SLCO2A1: variants seen among roughly 807,000 people sequenced by gnomAD.
SLCO2A1 encodes solute carrier organic anion transporter family member 2A1.
In SLCO2A1, 60 loss-of-function variants were observed where a neutral mutation model predicts 71.7. The ratio of observed to expected loss-of-function variants is 0.84; its 90% CI spans 0.68 to 1.04. The LOEUF (loss-of-function observed/expected upper bound fraction) is 1.04, where lower values mean the gene tolerates loss of function less well. Ranked by LOEUF, SLCO2A1 falls within the 50% of genes least tolerant of loss-of-function variation. The pLI is 0.00. For synonymous variants in SLCO2A1, 308 were observed against 326.7 expected, an observed-to-expected ratio of 0.94 and a Z score of 0.62; for missense variants, 745 against 813.4, an observed-to-expected ratio of 0.92 and a Z score of 1.02.
rs762008407 is a variant in SLCO2A1, at chr3:133,935,790, C to T, written c.1798G>A (p.Asp600Asn). ...RRGACAYYDN[D>N]ALRDRYLGLQ... ...GGCCCTCACCTGTCTCGGAGAGCAT[C>T]GTTGTCATAGTAGGCGCAGGCCCCT... is the stretch of plus-strand genomic sequence containing the variant. The change falls in exon 13 of 14, where the codon GAT becomes AAT. Residue 600 changes from aspartate (D) to asparagine (N), a missense_variant. Asp to Asn is a conservative substitution (Grantham distance 23). Transcript: ENST00000310926. 3.7e-6 allele frequency: 6 copies of T among 1,606,148 alleles called. No homozygotes were observed. The highest frequency in any genetic ancestry group is 2.2e-5 in the South Asian group (2 of 89,526).
At chr3:133,939,400 G>A (rs1398281091) in intron 11 of SLCO2A1, among the ~76,000 whole-genome samples, 1 of 152,170 alleles carries the variant, frequency 6.6e-6, no homozygotes, top group Non-Finnish European at 1.5e-5. Flanking sequence ...TCTGTGCTCT[G>A]AGCACACACA....
Position 133,999,965 on chromosome 3 carries a change from C to T in SLCO2A1, c.97-20347G>A, listed in dbSNP as rs1240852527. Among the ~76,000 whole-genome samples the T allele has an allele frequency of 1.4e-4, 22 of 152,228 alleles. No individual in the cohort carries two copies. The East Asian group carries it at 3.7e-3, about 25-fold the overall frequency. On this transcript the variant is annotated intron_variant, in intron 1 of 13. Coordinates refer to ENST00000310926, the MANE Select transcript of SLCO2A1 (RefSeq NM_005630.3). The stretch of plus-strand genomic sequence containing the variant: ...AGGAATCTGTAACAGGCTAGAGGCA[C>T]GGAGGCCACGCAAGATCTTGGGACA...
In SLCO2A1 at chr3:133,951,213, C is replaced by T. The variant is rs777571614; in HGVS notation, c.856G>A (p.Ala286Thr). 4 of 1,614,082 alleles carry T rather than the reference C, an allele frequency of 2.5e-6. No individual in the cohort carries two copies. The Admixed American group carries it at 5.0e-5, about 20-fold the overall frequency. Reference protein sequence around the residue: ...FFFPRAMPIGAKRAPATADEA... With the variant: ...FFFPRAMPIGTKRAPATADEA... ...ATGGGCTCTTGGAACCTTACCTTTG[C>T]TCCTATGGGCATTGCTCGAGGGAAG... is the stretch of plus-strand genomic sequence containing the variant. Residue 286 changes from alanine (A) to threonine (T), a missense_variant, in exon 6 of 14, where the codon GCA becomes ACA. Ala to Thr is a moderately conservative substitution (Grantham distance 58). Transcript: ENST00000310926.
chr3:133,939,302 T>C (rs1431241764), intron 11 of SLCO2A1, among the ~76,000 whole-genome samples: 3 of 150,480 alleles, frequency 2.0e-5, no homozygotes, highest in Admixed American at 6.6e-5. Flanking sequence ...AGCTGGGGAG[T>C]GGAGAGAGGG....
At chr3:133,994,288 C>T (rs1041027523) in intron 1 of SLCO2A1, among the ~76,000 whole-genome samples, 2 of 152,222 alleles carry the variant, frequency 1.3e-5, no homozygotes, top group Non-Finnish European at 2.9e-5. Context: ...CACTGAGGCT[C>T]AGGGCAGAGT....
chr3:134,003,929 A>G (rs1258063434), intron 1 of SLCO2A1, among the ~76,000 whole-genome samples: 1 of 152,142 alleles, frequency 6.6e-6, no homozygotes, highest in Non-Finnish European at 1.5e-5. Context: ...AAGGAGAGAG[A>G]GGGAAAAAAA....
At chr3:134,006,729 G>A (rs1935224875) in intron 1 of SLCO2A1, among the ~76,000 whole-genome samples, 1 of 152,114 alleles carries the variant, frequency 6.6e-6, no homozygotes, top group Non-Finnish European at 1.5e-5. Context: ...TCTATTGATG[G>A]ACATCTGGGT....
At chr3:133,973,487 C>T (rs1429408395) in intron 3 of SLCO2A1, among the ~76,000 whole-genome samples, 176 bp downstream of exon 3, 1 of 152,248 alleles carries the variant, frequency 6.6e-6, no homozygotes, top group Non-Finnish European at 1.5e-5. Context: ...GCACTGCACA[C>T]TTTCCTGAAC....
In SLCO2A1 at chr3:133,938,509, G is replaced by A. The variant is rs1559927563; in HGVS notation, c.1626-16C>T. The A allele has an allele frequency of 2.5e-6, 4 of 1,613,648 alleles. No homozygotes were observed. Among genetic ancestry groups the A allele is most frequent in the African/African-American group, 1.3e-5 (1 of 75,020 alleles). ...GTTCACCACACTGAAAAGACAGACA[G>A]GAAATCAGCAGTGGGAGGATTCAGG... On this transcript the variant is annotated splice_polypyrimidine_tract_variant and intron_variant, in intron 11 of 13. Coordinates refer to ENST00000310926, the MANE Select transcript of SLCO2A1 (RefSeq NM_005630.3).
intron 4 of SLCO2A1, among the ~76,000 whole-genome samples, chr3:133,954,473 G>A (rs533548634): frequency 2.0e-5 from 3 of 152,296 alleles, no homozygotes; most frequent in South Asian, 2.1e-4. Flanking sequence ...AAAGTGGCTT[G>A]TTCGAAGGGA....
intron 1 of SLCO2A1, among the ~76,000 whole-genome samples, chr3:133,999,975 G>A (rs148765669): frequency 2.5e-3 from 376 of 152,308 alleles, no homozygotes; most frequent in Non-Finnish European, 4.1e-3. Context: ...CGGAGGCCAC[G>A]CAAGATCTTG....
At chr3:133,997,571 C>T (rs994019551) in intron 1 of SLCO2A1, among the ~76,000 whole-genome samples, 2 of 152,184 alleles carry the variant, frequency 1.3e-5, no homozygotes, top group Admixed American at 6.5e-5. Flanking sequence ...CCAAGGAACA[C>T]CACAAGTTTC....
intron 1 of SLCO2A1, among the ~76,000 whole-genome samples, chr3:134,018,335 G>C (rs1390356687): frequency 6.6e-6 from 1 of 152,186 alleles, no homozygotes; most frequent in Non-Finnish European, 1.5e-5. Context: ...TCTGGTTGCT[G>C]GGATAGAGCA....
Position 134,029,920 on chromosome 3 carries a change from G to T in SLCO2A1, c.-118C>A. The T allele has an allele frequency of 2.2e-6, 1 of 458,250 alleles. No homozygotes were observed. The highest frequency in any genetic ancestry group is 3.5e-6 in the Non-Finnish European group (1 of 286,280). 28.4% of individuals were successfully genotyped at this position (458,250 alleles called of 1,614,324 possible). On this transcript the variant is annotated 5_prime_UTR_variant, in exon 1 of 14. Coordinates refer to ENST00000310926, the MANE Select transcript of SLCO2A1 (RefSeq NM_005630.3). The stretch of plus-strand genomic sequence containing the variant: ...GTGGCCGGAGGAGATTCGCGGAGCG[G>T]AGACTGAGCCAGCGAGTGCGCGCCT...
At chr3:133,947,958 T>C (rs1041730349) in intron 8 of SLCO2A1, among the ~76,000 whole-genome samples, 1 of 152,080 alleles carries the variant, frequency 6.6e-6, no homozygotes, top group African/African-American at 2.4e-5. Flanking sequence ...TTTCCTAGGG[T>C]ACTTGGTGGG....
At chr3:133,938,521 T>G in intron 11 of SLCO2A1, 28 bp from the exon 12 acceptor site, 1 of 1,610,998 alleles carries the variant, frequency 6.2e-7, no homozygotes, top group Non-Finnish European at 8.5e-7. Flanking sequence ...AAATCAGCAG[T>G]GGGAGGATTC....
At chr3:133,975,901 C>G (rs912497862) in intron 2 of SLCO2A1, among the ~76,000 whole-genome samples, 1 of 152,222 alleles carries the variant, frequency 6.6e-6, no homozygotes, top group African/African-American at 2.4e-5. Flanking sequence ...ATCCATGACT[C>G]TCTCTCTTCA....
intron 1 of SLCO2A1, among the ~76,000 whole-genome samples, chr3:134,027,016 T>C (rs1438151883): frequency 6.6e-6 from 1 of 152,228 alleles, no homozygotes; most frequent in Non-Finnish European, 1.5e-5. Flanking sequence ...TTGCTACCTA[T>C]ACTTCTTCAA....
Position 134,029,739 on chromosome 3 carries a change from G to A in SLCO2A1, c.64C>T (p.Arg22Cys), listed in dbSNP as rs1462634003. The part of the protein sequence containing the change: ...GSDTSTSRAG[R>C]CARSVFGNIK... ...TTGCCGAAGACCGAGCGGGCACAGC[G>A]GCCGGCTCGGCTAGTAGAGGTGTCG... Residue 22 changes from arginine (R) to cysteine (C), a missense_variant, in exon 1 of 14, where the codon CGC becomes TGC. Physicochemically the swap from Arg to Cys is radical, Grantham distance 180 (BLOSUM62 -3). Coordinates refer to ENST00000310926, the MANE Select transcript of SLCO2A1 (RefSeq NM_005630.3). The A allele has an allele frequency of 6.3e-7, 1 of 1,588,418 alleles. No individual in the cohort carries two copies. The highest frequency in any genetic ancestry group is 1.7e-4 in the Middle Eastern group (1 of 5,822).
Sources: allele counts gnomAD v4.1 joint callset (sites outside exome capture counted in the v4.1 genomes callset), GRCh38; gene constraint gnomAD v4.1.1; transcripts MANE v1.5; gene names NCBI Gene and HGNC (gene_info 2026-07-23, HGNC 2026-07-21).